KCND2: variants seen among roughly 807,000 people sequenced by gnomAD.
KCND2 encodes the protein potassium voltage-gated channel subfamily D member 2.
A neutral mutation model predicts 54.4 loss-of-function variants in KCND2; 16 were observed. The observed-to-expected ratio is 0.29, with a 90% CI of 0.20 to 0.45. The LOEUF (loss-of-function observed/expected upper bound fraction) is 0.45, where lower values mean the gene tolerates loss of function less well. Among genes scored for constraint, KCND2 ranks in the 20% least tolerant of loss-of-function variants. The pLI, the probability that KCND2 is intolerant of heterozygous loss-of-function variation, is 1.00. For missense variants in KCND2, 486 were observed against 824.2 expected, an observed-to-expected ratio of 0.59 and a Z score of 5.02; for synonymous variants, 317 against 310.7, an observed-to-expected ratio of 1.02 and a Z score of -0.21.
At chr7:120,464,172 T>C in intron 1 of KCND2, 1 of 643,272 alleles carries the variant, frequency 1.6e-6, no homozygotes, top group Non-Finnish European at 1.9e-6. Flanking sequence ...TTTTTGCCTC[T>C]CGGTGAGTCT....
intron 1 of KCND2, among the ~76,000 whole-genome samples, chr7:120,676,703 T>C (rs1385464676): frequency 6.6e-6 from 1 of 152,236 alleles, no homozygotes; most frequent in African/African-American, 2.4e-5. Context: ...ACATTTCTTC[T>C]GGGAAATACT....
In KCND2 at chr7:120,328,707, T is replaced by C. The variant is rs182479661; in HGVS notation, c.1115+52960T>C. On this transcript the variant is annotated intron_variant, in intron 1 of 5. Transcript: ENST00000331113. ...TCTACAGGTAACTTATCTTTCATCT[T>C]TACATTTTCTTCTTATCTTCAAAAT... 1.9e-4 allele frequency among the ~76,000 whole-genome samples: 29 copies of C among 152,318 alleles called. No individual in the cohort carries two copies. In the East Asian group the frequency reaches 5.4e-3, roughly 28 times the overall value.
intron 1 of KCND2, among the ~76,000 whole-genome samples, chr7:120,515,493 C>T (rs1803182641): frequency 6.6e-6 from 1 of 151,966 alleles, no homozygotes; most frequent in Non-Finnish European, 1.5e-5. Context: ...AAGAAGATAT[C>T]ACCTCTAGGA....
At chr7:120,546,585 C>A (rs989145045) in intron 1 of KCND2, among the ~76,000 whole-genome samples, 3 of 151,862 alleles carry the variant, frequency 2.0e-5, no homozygotes, top group Non-Finnish European at 4.4e-5. Flanking sequence ...TTCTGCCATA[C>A]CCTTCCATAT....
intron 1 of KCND2, among the ~76,000 whole-genome samples, chr7:120,393,868 A>G (rs1247351187): frequency 6.6e-6 from 1 of 152,020 alleles, no homozygotes; most frequent in Non-Finnish European, 1.5e-5. Flanking sequence ...TCTAACCACC[A>G]TAGGCTTAAA....
At chr7:120,295,914 G>T (rs1235091072) in intron 1 of KCND2, among the ~76,000 whole-genome samples, 4 of 151,870 alleles carry the variant, frequency 2.6e-5, no homozygotes, top group African/African-American at 9.7e-5. Flanking sequence ...ATCTTGGGTT[G>T]GGACATTCCA....
chr7:120,335,337 G>A (rs1393115432), intron 1 of KCND2, among the ~76,000 whole-genome samples: 6 of 115,458 alleles, frequency 5.2e-5, no homozygotes, highest in East Asian at 2.5e-4. Context: ...CAGCCTGGGC[G>A]ACAGAGCAAG....
At chr7:120,286,573 G>T (rs1328037578) in intron 1 of KCND2, among the ~76,000 whole-genome samples, 4 of 151,928 alleles carry the variant, frequency 2.6e-5, no homozygotes, top group African/African-American at 4.8e-5. Flanking sequence ...ATTAGAGTAA[G>T]TCTCTATCAC....
At chr7:120,704,095 G>A (rs1400295394) in intron 1 of KCND2, among the ~76,000 whole-genome samples, 1 of 152,064 alleles carries the variant, frequency 6.6e-6, no homozygotes, top group African/African-American at 2.4e-5. Flanking sequence ...ATGACTATTG[G>A]CCAAACACTA....
At chr7:120,701,425 A>G (rs1792401567) in intron 1 of KCND2, among the ~76,000 whole-genome samples, 2 of 152,142 alleles carry the variant, frequency 1.3e-5, no homozygotes, top group Non-Finnish European at 2.9e-5. Flanking sequence ...AGGTGAATTT[A>G]GAATGGAAAT....
intron 1 of KCND2, among the ~76,000 whole-genome samples, chr7:120,587,880 C>T (rs909224444): frequency 6.6e-6 from 1 of 152,120 alleles, no homozygotes. Flanking sequence ...TCAACAGGCA[C>T]CTCCTACAGG....
intron 1 of KCND2, among the ~76,000 whole-genome samples, chr7:120,290,177 T>A (rs193081775): frequency 1.3e-5 from 2 of 152,140 alleles, no homozygotes; most frequent in East Asian, 1.9e-4. Context: ...AGATTTTTTT[T>A]ATTTTTACTG....
intron 1 of KCND2, among the ~76,000 whole-genome samples, chr7:120,476,414 C>T (rs1802534385): frequency 6.6e-6 from 1 of 152,142 alleles, no homozygotes; most frequent in Admixed American, 6.5e-5. Flanking sequence ...GAGTCAATAA[C>T]AGTGATTGGC....
chr7:120,479,808 A>C (rs1282036870), intron 1 of KCND2, among the ~76,000 whole-genome samples: 2 of 149,368 alleles, frequency 1.3e-5, no homozygotes, highest in African/African-American at 4.9e-5. Flanking sequence ...AAAAAAAAAA[A>C]AAAAAAAAAA....
At chr7:120,739,798 AACACAC>A (rs10571787) in intron 2 of KCND2, among the ~76,000 whole-genome samples, 5,075 of 144,028 alleles carry the variant, frequency 0.035, 153 homozygotes, top group African/African-American at 0.078. Context: ...TAACAAAAGA[AACACAC>A]ACACACACAC....
chr7:120,630,142 G>A (rs1316171744), intron 1 of KCND2, among the ~76,000 whole-genome samples: 1 of 152,076 alleles, frequency 6.6e-6, no homozygotes, highest in Non-Finnish European at 1.5e-5. Context: ...AAGGAATAAG[G>A]TCTCAAAAGA....
chr7:120,303,466 G>T (rs1799612466), intron 1 of KCND2, among the ~76,000 whole-genome samples: 1 of 152,136 alleles, frequency 6.6e-6, no homozygotes, highest in Non-Finnish European at 1.5e-5. Context: ...AAACTGTATA[G>T]CATATATGCT....
chr7:120,357,867 A>T (rs368299482), intron 1 of KCND2, among the ~76,000 whole-genome samples: 2 of 152,112 alleles, frequency 1.3e-5, no homozygotes, highest in East Asian at 3.9e-4. Flanking sequence ...TTATAACTTC[A>T]TTTGACTTTA....
rs140064445 is a variant in KCND2 at position 120,739,781 on chromosome 7, T to C, written c.1279-1753T>C. On this transcript the variant is annotated intron_variant, in intron 2 of 5. Transcript: ENST00000331113. ...ACAATAACTTTGGAGGGAAATTTGGTAAGACTTAACAAAAGAAACACACAC... is the reference window on the plus strand; with the variant it reads ...ACAATAACTTTGGAGGGAAATTTGGCAAGACTTAACAAAAGAAACACACAC... Among the ~76,000 whole-genome samples the C allele has an allele frequency of 4.7e-5, 7 of 148,790 alleles. No individual in the cohort carries two copies. The East Asian group carries it at 1.4e-3, about 30-fold the overall frequency.
Sources: allele counts gnomAD v4.1 joint callset (sites outside exome capture counted in the v4.1 genomes callset), GRCh38; gene constraint gnomAD v4.1.1; transcripts MANE v1.5; gene names NCBI Gene and HGNC (gene_info 2026-07-23, HGNC 2026-07-21).